Variants in RASA1 observed in about 807,000 individuals in gnomAD.
RASA1 encodes ras GTPase-activating protein 1.
In RASA1, 25 loss-of-function variants were observed where a neutral mutation model predicts 132.2. The ratio of observed to expected loss-of-function variants is 0.19; its 90% CI spans 0.14 to 0.26. The LOEUF (loss-of-function observed/expected upper bound fraction) is 0.26. Among genes scored for constraint, RASA1 ranks in the 10% least tolerant of loss-of-function variants. RASA1 has a pLI of 1.00. For synonymous variants in RASA1, 477 were observed against 449.9 expected (o/e 1.06, Z -0.76); for missense variants, 964 against 1,299.2 (o/e 0.74, Z 3.97).
At chr5:87,380,068 T>G (rs1055694808) in intron 19 of RASA1, among the ~76,000 whole-genome samples, 1 of 152,186 alleles carries the variant, frequency 6.6e-6, no homozygotes, top group Non-Finnish European at 1.5e-5. Flanking sequence ...GTTTGTACTG[T>G]AGTAGCTTGG....
At chr5:87,289,404 G>A (rs746466209) in intron 1 of RASA1, among the ~76,000 whole-genome samples, 15 of 151,998 alleles carry the variant, frequency 9.9e-5, no homozygotes, top group South Asian at 8.3e-4. Context: ...TTTAATAGCC[G>A]TTGATTATTT....
chr5:87,288,130 C>T (rs1257832492), intron 1 of RASA1, among the ~76,000 whole-genome samples: 1 of 133,866 alleles, frequency 7.5e-6, no homozygotes, highest in Admixed American at 7.7e-5. Flanking sequence ...ATATATATAC[C>T]ATATATATAC....
At chr5:87,340,681 G>A (rs777411316) in intron 5 of RASA1, among the ~76,000 whole-genome samples, 7 of 152,058 alleles carry the variant, frequency 4.6e-5, no homozygotes, top group Non-Finnish European at 8.8e-5. Context: ...CACTTTTTAC[G>A]GGCTCAGAAT....
chr5:87,367,631 A>C (rs774498683), intron 11 of RASA1, among the ~76,000 whole-genome samples: 13 of 152,226 alleles, frequency 8.5e-5, no homozygotes, highest in Non-Finnish European at 1.9e-4. Context: ...ACTTAGAAAG[A>C]TGTCTTAGTG....
intron 22 of RASA1, 151 bp downstream of exon 22, chr5:87,385,540 G>C (rs959005717): frequency 1.5e-6 from 1 of 681,340 alleles, no homozygotes; most frequent in Non-Finnish European, 2.5e-6. Flanking sequence ...AAAGTAGCTT[G>C]TTTAAATTTT....
chr5:87,321,991 C>T (rs988329281), intron 1 of RASA1, among the ~76,000 whole-genome samples: 2 of 152,114 alleles, frequency 1.3e-5, no homozygotes, highest in African/African-American at 4.8e-5. Flanking sequence ...AAGACTATAA[C>T]AAGGGTGATA....
chr5:87,316,395 C>T (rs1179005734), intron 1 of RASA1, among the ~76,000 whole-genome samples: 5 of 152,174 alleles, frequency 3.3e-5, no homozygotes, highest in Non-Finnish European at 7.3e-5. Context: ...TAGCTTATTC[C>T]GATTCCCAGG....
intron 1 of RASA1, among the ~76,000 whole-genome samples, chr5:87,319,599 G>A (rs1756624413): frequency 1.3e-5 from 2 of 152,206 alleles, no homozygotes; most frequent in South Asian, 4.1e-4. Context: ...TGGAGTGGCT[G>A]GGATGCGGGG....
rs181818829 is a variant in RASA1 at position 87,389,306 on chromosome 5, G to A, written c.2926-87G>A. ...AGATCATGCCATTGCATTTCAGCCT[G>A]GGCAACAAGAGCGAAACTCTGTCTC... On this transcript the variant is annotated intron_variant, in intron 23 of 24. Coordinates refer to ENST00000274376, the MANE Select transcript of RASA1 (RefSeq NM_002890.3). 3.2e-4 allele frequency: 493 copies of A among 1,530,732 alleles called. 3 individuals carry two copies. In the African/African-American group the frequency reaches 6.1e-3, roughly 19 times the overall value. The allele number at this position is 1,530,732 out of a possible 1,614,324, so 94.8% of individuals were successfully genotyped here.
chr5:87,320,993 TG>T (rs1756754478), intron 1 of RASA1, among the ~76,000 whole-genome samples: 1 of 152,220 alleles, frequency 6.6e-6, no homozygotes, highest in Admixed American at 6.5e-5. Flanking sequence ...AATAGCAATT[TG>T]TACACTTCTG....
At chr5:87,298,163 A>T (rs1580213682) in intron 1 of RASA1, among the ~76,000 whole-genome samples, 1 of 152,102 alleles carries the variant, frequency 6.6e-6, no homozygotes, top group African/African-American at 2.4e-5. Flanking sequence ...TAATCCCAGC[A>T]CTTTGGGAGG....
chr5:87,270,761 C>T (rs1431749383), intron 1 of RASA1, among the ~76,000 whole-genome samples: 2 of 140,524 alleles, frequency 1.4e-5, no homozygotes, highest in South Asian at 2.3e-4. Context: ...CCATTTTTGA[C>T]TTAAGGCTAC....
chr5:87,316,108 G>A (rs1271029793), intron 1 of RASA1, among the ~76,000 whole-genome samples: 5 of 152,136 alleles, frequency 3.3e-5, no homozygotes, highest in Non-Finnish European at 7.4e-5. Flanking sequence ...TTTTGTGCTA[G>A]AATGCTCTGA....
At chr5:87,374,366 T>C (rs202191436) in intron 14 of RASA1, 46 bp downstream of exon 14, 35 of 1,546,060 alleles carry the variant, frequency 2.3e-5, no homozygotes, top group Non-Finnish European at 2.9e-5. Flanking sequence ...TTTTACCATA[T>C]TGCATTTCTT....
Position 87,268,551 on chromosome 5 carries a change from T to C in RASA1, c.100T>C (p.Cys34Arg), listed in dbSNP as rs757010847. ...GGGCTCCAGTGCCTATCCCGCAGTG[T>C]GTCGGGTGAAGATACCCGCGGCCCT... ...AAGSSAYPAV[C>R]RVKIPAALPV... Residue 34 changes from cysteine (C) to arginine (R), a missense_variant, in exon 1 of 25, where the codon TGT becomes CGT. Transcript: ENST00000274376. 31 of 1,603,144 alleles carry C rather than the reference T, an allele frequency of 1.9e-5. No individual in the cohort carries two copies. Among genetic ancestry groups the C allele is most frequent in the Non-Finnish European group, 2.6e-5 (31 of 1,176,218 alleles).
At chr5:87,274,388 C>T (rs758981614) in intron 1 of RASA1, among the ~76,000 whole-genome samples, 2 of 152,130 alleles carry the variant, frequency 1.3e-5, no homozygotes, top group African/African-American at 2.4e-5. Context: ...GAACATGTAG[C>T]ATTCATTAAC....
At chr5:87,306,212 CA>C (rs1476457310) in intron 1 of RASA1, among the ~76,000 whole-genome samples, 27 of 152,250 alleles carry the variant, frequency 1.8e-4, no homozygotes, top group African/African-American at 5.5e-4. Context: ...GACATGGAAT[CA>C]GTCTAAATGC....
At chr5:87,351,181 A>T (rs539033315) in intron 8 of RASA1, among the ~76,000 whole-genome samples, 30 of 140,926 alleles carry the variant, frequency 2.1e-4, no homozygotes, top group South Asian at 4.3e-4. Flanking sequence ...TCAGAGTTTT[A>T]AAAAAAAAAA....
chr5:87,269,057 T>G, intron 1 of RASA1, 67 bp downstream of exon 1: 1 of 1,614,092 alleles, frequency 6.2e-7, no homozygotes, highest in Non-Finnish European at 8.5e-7. Context: ...AATGAAGGGG[T>G]AAATCATACT....
Sources: allele counts gnomAD v4.1 joint callset (sites outside exome capture counted in the v4.1 genomes callset), GRCh38; gene constraint gnomAD v4.1.1; transcripts MANE v1.5; gene names NCBI Gene and HGNC (gene_info 2026-07-23, HGNC 2026-07-21).